Variants in USP37 observed in about 807,000 individuals in gnomAD.
USP37 encodes ubiquitin carboxyl-terminal hydrolase 37.
A neutral mutation model predicts 124.0 loss-of-function variants in USP37; 27 were observed. The ratio of observed to expected loss-of-function variants is 0.22; its 90% CI spans 0.16 to 0.30. The LOEUF is 0.30. USP37 is among the 10% of genes least tolerant of loss of function. The probability of loss-of-function intolerance (pLI) is 1.00; values close to 1 mark genes in which losing one functional copy is unlikely to be tolerated. For synonymous variants in USP37, 365 were observed against 388.0 expected, an observed-to-expected ratio of 0.94 and a Z score of 0.70; for missense variants, 889 against 1,140.4, an observed-to-expected ratio of 0.78 and a Z score of 3.17.
chr2:218,533,441 C>T (rs3856548), intron 9 of USP37, among the ~76,000 whole-genome samples: 45,721 of 152,006 alleles, frequency 0.3, 7,938 homozygotes, highest in Non-Finnish European at 0.39. Flanking sequence ...AAAACATCTA[C>T]GTTTTGTTCC....
intron 13 of USP37, 26 bp from the exon 14 acceptor site, chr2:218,495,976 C>G (rs1017833719): frequency 1.3e-6 from 2 of 1,583,222 alleles, no homozygotes; most frequent in African/African-American, 2.7e-5. Context: ...TATCCTTAAT[C>G]AGATAAAAAC....
chr2:218,561,061 A>G (rs1693282881), intron 2 of USP37, among the ~76,000 whole-genome samples, 178 bp from the exon 3 acceptor site: 1 of 152,248 alleles, frequency 6.6e-6, no homozygotes, highest in Non-Finnish European at 1.5e-5. Context: ...AATAGAGTCC[A>G]TTAATGTTTA....
chr2:218,544,403 AAAAATATAT>A (rs1297020703), intron 8 of USP37, among the ~76,000 whole-genome samples: 3 of 43,738 alleles, frequency 6.9e-5, no homozygotes, highest in Non-Finnish European at 8.2e-5. Context: ...AAAAAAAAAA[AAAAATATAT>A]ATATATATAT....
At chr2:218,466,389 G>T (rs1169535690) in intron 20 of USP37, among the ~76,000 whole-genome samples, 1 of 152,040 alleles carries the variant, frequency 6.6e-6, no homozygotes, top group East Asian at 1.9e-4. Flanking sequence ...TGGGGTGAGG[G>T]GAGAAGAGTA....
At chr2:218,511,313 T>C (rs1689978925) in intron 10 of USP37, among the ~76,000 whole-genome samples, 1 of 150,952 alleles carries the variant, frequency 6.6e-6, no homozygotes, top group African/African-American at 2.4e-5. Context: ...GCCCAGCTAA[T>C]TTTCTTTTTT....
intron 10 of USP37, chr2:218,528,802 T>A (rs958670983): frequency 1.8e-3 from 22 of 12,406 alleles, no homozygotes; most frequent in Non-Finnish European, 3.9e-3. Flanking sequence ...CCAATAAATC[T>A]GAAAAAAAAA....
In USP37 at chr2:218,497,777, G is replaced by A; in HGVS notation, c.1238C>T (p.Ala413Val). 6.2e-7 allele frequency: 1 copy of A among 1,614,014 alleles called. No individual in the cohort carries two copies. The highest frequency in any genetic ancestry group is 8.5e-7 in the Non-Finnish European group (1 of 1,179,994). Residue 413 changes from alanine to valine, a missense_variant, in exon 13 of 26, where the codon GCC becomes GTC. Ala to Val is a moderately conservative substitution (Grantham distance 64). Around this residue, in one of 3 missense-constraint regions of USP37, gnomAD observed 504 missense variants for 714.3 expected, o/e 0.71. Transcript: ENST00000258399. Reference sequence around the variant, plus strand: ...GAATCTCTCTGCTGTAGCTGAAATGGCATTTTTAACCTTCTTGAGTAAATC... The same window carrying A: ...GAATCTCTCTGCTGTAGCTGAAATGACATTTTTAACCTTCTTGAGTAAATC... The part of the protein sequence containing the change: ...KKDLLKKVKN[A>V]ISATAERFSG...
Position 218,453,597 on chromosome 2 carries a change from C to A in USP37, c.*1333G>T, listed in dbSNP as rs1215194299. The A allele has an allele frequency of 6.6e-6, 1 of 152,138 alleles. No homozygotes were observed. The highest frequency in any genetic ancestry group is 1.9e-4 in the East Asian group (1 of 5,198). 9.4% of individuals were successfully genotyped at this position (152,138 alleles called of 1,614,324 possible). On this transcript the variant is annotated 3_prime_UTR_variant, in exon 26 of 26. Transcript: ENST00000258399. ...ACAGAATTCCATCCTCAAAAGAATT[C>A]TTTATATGGTTTCATAAGCTGCTTA... is the stretch of plus-strand genomic sequence containing the variant.
At chr2:218,519,051 G>C (rs1690447865) in intron 10 of USP37, among the ~76,000 whole-genome samples, 1 of 152,184 alleles carries the variant, frequency 6.6e-6, no homozygotes, top group South Asian at 2.1e-4. Flanking sequence ...AAAAAATATA[G>C]TTTTTCAGTA....
intron 3 of USP37, among the ~76,000 whole-genome samples, chr2:218,560,092 TAC>T (rs68054573): frequency 0.048 from 7,342 of 152,254 alleles, 219 homozygotes; most frequent in East Asian, 0.12. Context: ...TAAATAAAAT[TAC>T]AGTTATAGCA....
In USP37 at chr2:218,452,546, T is replaced by C. The variant is rs959874676; in HGVS notation, c.*2384A>G. On this transcript the variant is annotated 3_prime_UTR_variant, in exon 26 of 26. Transcript: ENST00000258399. ...AGAATGGACAGACATCAAGTAAAAT[T>C]TGAGTCCCAAACATGCAAGTACATG... The C allele has an allele frequency of 5.3e-5, 8 of 152,090 alleles. No homozygotes were observed. Among genetic ancestry groups the C allele is most frequent in the African/African-American group, 1.4e-4 (6 of 41,420 alleles). 9.4% of individuals were successfully genotyped at this position (152,090 alleles called of 1,614,324 possible). A position where few individuals can be genotyped will look rare whatever the true frequency, so the allele number is the denominator to read the frequency against.
chr2:218,511,075 GA>G (rs1021551672), intron 10 of USP37, among the ~76,000 whole-genome samples: 1 of 152,148 alleles, frequency 6.6e-6, no homozygotes, highest in African/African-American at 2.4e-5. Flanking sequence ...GCACTGTCCT[GA>G]TTACTACTGA....
At position 218,561,852 on chromosome 2, in the gene USP37, C is replaced by A. The variant is rs1271990807; in HGVS notation, c.-89+821G>T. ...GCTTACCTGTCTATTCCCAATAAAA[C>A]CCCCAAATCCTTCTGAATTACTTAT... On this transcript the variant is annotated intron_variant, in intron 2 of 25. Transcript: ENST00000258399. Among the ~76,000 whole-genome samples the A allele has an allele frequency of 3.3e-5, 5 of 152,186 alleles. No individual in the cohort carries two copies. The East Asian group carries it at 9.6e-4, about 29-fold the overall frequency.
intron 14 of USP37, among the ~76,000 whole-genome samples, chr2:218,491,084 G>C (rs1337498534): frequency 2.6e-5 from 4 of 152,090 alleles, no homozygotes; most frequent in Admixed American, 1.3e-4. Flanking sequence ...ATGTTGTCAG[G>C]GCTGGTCTCA....
In USP37 at chr2:218,495,955, T is replaced by C. The variant is rs1420267378; in HGVS notation, c.1282-5A>G. On this transcript the variant is annotated splice_region_variant and splice_polypyrimidine_tract_variant and intron_variant, in intron 13 of 25. Transcript: ENST00000258399. ...ACTTAAAAATTCATGAGCATCCTAA[T>C]AAGACAACAATATCCTTAATCAGAT... The C allele has an allele frequency of 6.2e-7, 1 of 1,606,876 alleles. No homozygotes were observed. Among genetic ancestry groups the C allele is most frequent in the East Asian group, 2.2e-5 (1 of 44,866 alleles).
intron 8 of USP37, among the ~76,000 whole-genome samples, chr2:218,539,349 G>A (rs1166297142): frequency 1.3e-5 from 2 of 152,120 alleles, no homozygotes; most frequent in African/African-American, 4.8e-5. Flanking sequence ...ATACATTTTT[G>A]TTTTTCCTTC....
intron 10 of USP37, among the ~76,000 whole-genome samples, chr2:218,515,462 A>G (rs1239487565): frequency 6.6e-6 from 1 of 152,198 alleles, no homozygotes; most frequent in African/African-American, 2.4e-5. Flanking sequence ...TTCCCTATTT[A>G]ATAAATGGTG....
At chr2:218,500,243 G>T (rs988246680) in intron 11 of USP37, among the ~76,000 whole-genome samples, 1 of 151,234 alleles carries the variant, frequency 6.6e-6, no homozygotes, top group South Asian at 2.1e-4. Flanking sequence ...CGCAGCTAAT[G>T]TTTGTATTCA....
In USP37 at chr2:218,482,107, G is replaced by C; in HGVS notation, c.1798C>G (p.Pro600Ala). ...GCACTCCAACCAAGGGTAAAAGGTG[G>C]TTTTGTATTTTCAGTGCAATGAGAT... ...LSSHCTENTK[P>A]PFTLGWSAHM... Residue 600 changes from proline to alanine, a missense_variant, in exon 17 of 26, where the codon CCA becomes GCA. Pro to Ala is a conservative substitution (Grantham distance 27, BLOSUM62 -1). Around this residue, in one of 3 missense-constraint regions of USP37, gnomAD observed 504 missense variants for 714.3 expected, o/e 0.71. Coordinates refer to ENST00000258399, the MANE Select transcript of USP37 (RefSeq NM_020935.3). The C allele has an allele frequency of 6.2e-7, 1 of 1,613,310 alleles. No individual in the cohort carries two copies. The highest frequency in any genetic ancestry group is 1.1e-5 in the South Asian group (1 of 90,984).
Sources: allele counts gnomAD v4.1 joint callset (sites outside exome capture counted in the v4.1 genomes callset), GRCh38; gene constraint gnomAD v4.1.1; regional missense constraint gnomAD v4.1.1; transcripts MANE v1.5; gene names NCBI Gene and HGNC (gene_info 2026-07-23, HGNC 2026-07-21).